KCNIP1: variants seen among roughly 807,000 people sequenced by gnomAD.
KCNIP1 encodes potassium voltage-gated channel interacting protein 1, also known as A-type potassium channel modulatory protein KCNIP1.
Under a neutral mutation model 33.0 loss-of-function variants are expected in KCNIP1, and 18 were observed. The ratio of observed to expected loss-of-function variants is 0.55; its 90% CI spans 0.38 to 0.81. KCNIP1 has a LOEUF of 0.81. Among genes scored for constraint, KCNIP1 ranks in the 30% least tolerant of loss-of-function variants. The pLI, the probability that KCNIP1 is intolerant of heterozygous loss-of-function variation, is 0.00. For synonymous variants in KCNIP1, 93 were observed against 98.3 expected, an observed-to-expected ratio of 0.95 and a Z score of 0.32; for missense variants, 238 against 271.6, an observed-to-expected ratio of 0.88 and a Z score of 0.87.
At chr5:170,463,454 C>T (rs1049642789) in intron 1 of KCNIP1, among the ~76,000 whole-genome samples, 1 of 152,072 alleles carries the variant, frequency 6.6e-6, no homozygotes, top group East Asian at 1.9e-4. Context: ...ATCCAGCAGT[C>T]TGTTAAAAAG....
At chr5:170,412,750 CA>C (rs1393395775) in intron 1 of KCNIP1, among the ~76,000 whole-genome samples, 2 of 152,104 alleles carry the variant, frequency 1.3e-5, no homozygotes, top group Non-Finnish European at 2.9e-5. Flanking sequence ...GCCTCTGCAC[CA>C]GATGTTCCCT....
At chr5:170,670,452 C>A (rs891528801) in intron 1 of KCNIP1, among the ~76,000 whole-genome samples, 1 of 152,172 alleles carries the variant, frequency 6.6e-6, no homozygotes, top group African/African-American at 2.4e-5. Flanking sequence ...CCTCACTACC[C>A]TAGAGGCATA....
chr5:170,681,450 T>A, intron 1 of KCNIP1: 1 of 273,460 alleles, frequency 3.7e-6, no homozygotes, highest in Non-Finnish European at 6.8e-6. Context: ...TGAGTCTTGA[T>A]GGATTATTAG....
chr5:170,689,465 G>A (rs11953716), intron 1 of KCNIP1, among the ~76,000 whole-genome samples: 4,307 of 152,210 alleles, frequency 0.028, 75 homozygotes, highest in Non-Finnish European at 0.032. Flanking sequence ...TGAGGCTTAG[G>A]GAGGTCAAAT....
At chr5:170,506,205 C>G (rs1754709947) in intron 1 of KCNIP1, among the ~76,000 whole-genome samples, 1 of 152,128 alleles carries the variant, frequency 6.6e-6, no homozygotes, top group Non-Finnish European at 1.5e-5. Context: ...ATCTCAAGCC[C>G]TAGAGTCAAG....
chr5:170,608,823 A>G (rs1489893997), intron 1 of KCNIP1, among the ~76,000 whole-genome samples: 1 of 152,110 alleles, frequency 6.6e-6, no homozygotes, highest in African/African-American at 2.4e-5. Context: ...GCTCAGAGAA[A>G]TGATGGCCAC....
intron 1 of KCNIP1, chr5:170,375,082 T>G (rs75284231): frequency 6.6e-6 from 1 of 152,216 alleles, no homozygotes; most frequent in African/African-American, 2.4e-5. Context: ...AGACTCCAAG[T>G]TGGGACTTCC....
At chr5:170,713,866 A>T (rs1480371237) in intron 1 of KCNIP1, among the ~76,000 whole-genome samples, 3 of 150,084 alleles carry the variant, frequency 2.0e-5, no homozygotes, top group African/African-American at 4.9e-5. Flanking sequence ...TACTAAAAAT[A>T]AAAAAAAATT....
intron 1 of KCNIP1, among the ~76,000 whole-genome samples, chr5:170,665,372 G>A (rs1480318840): frequency 6.6e-6 from 1 of 152,044 alleles, no homozygotes; most frequent in Non-Finnish European, 1.5e-5. Flanking sequence ...GTCACTGGGG[G>A]TTAAGCCATT....
chr5:170,380,873 G>A (rs553885736), intron 1 of KCNIP1, among the ~76,000 whole-genome samples: 1 of 152,330 alleles, frequency 6.6e-6, no homozygotes, highest in South Asian at 2.1e-4. Flanking sequence ...TGTAAAATGG[G>A]TTTGTGAGGC....
intron 1 of KCNIP1, among the ~76,000 whole-genome samples, chr5:170,564,443 G>A (rs1757138880): frequency 6.6e-6 from 1 of 152,144 alleles, no homozygotes; most frequent in Non-Finnish European, 1.5e-5. Context: ...AAAAGCAAGA[G>A]GTAGCAGGAG....
chr5:170,611,977 TAGAC>T (rs1759175646), intron 1 of KCNIP1, among the ~76,000 whole-genome samples: 1 of 152,178 alleles, frequency 6.6e-6, no homozygotes, highest in African/African-American at 2.4e-5. Flanking sequence ...GTGAATGAAA[TAGAC>T]AGAAGTACTT....
chr5:170,682,759 C>T (rs1000762848), intron 1 of KCNIP1, among the ~76,000 whole-genome samples: 2 of 147,324 alleles, frequency 1.4e-5, no homozygotes, highest in Non-Finnish European at 3.0e-5. Flanking sequence ...CACATTAATG[C>T]AACAGCGTCC....
At chr5:170,460,810 A>G (rs970919183) in intron 1 of KCNIP1, among the ~76,000 whole-genome samples, 6 of 152,224 alleles carry the variant, frequency 3.9e-5, no homozygotes, top group African/African-American at 1.4e-4. Flanking sequence ...AGCCAGAGCA[A>G]TAAGACAAGA....
chr5:170,560,580 G>C (rs1249879086), intron 1 of KCNIP1, among the ~76,000 whole-genome samples: 1 of 152,118 alleles, frequency 6.6e-6, no homozygotes, highest in African/African-American at 2.4e-5. Context: ...GGACCAGGAT[G>C]GTCCTTTCTT....
chr5:170,371,013 T>A (rs746976730), intron 1 of KCNIP1, among the ~76,000 whole-genome samples: 1 of 152,146 alleles, frequency 6.6e-6, no homozygotes, highest in Non-Finnish European at 1.5e-5. Context: ...CTAGAGCGCA[T>A]GATTAAACCC....
At chr5:170,531,168 A>G (rs1380721756) in intron 1 of KCNIP1, among the ~76,000 whole-genome samples, 1 of 152,162 alleles carries the variant, frequency 6.6e-6, no homozygotes, top group Non-Finnish European at 1.5e-5. Flanking sequence ...GAATCAGTTG[A>G]GGATGTGGCA....
At chr5:170,730,474 C>T (rs1251829380) in intron 5 of KCNIP1, among the ~76,000 whole-genome samples, 2 of 152,132 alleles carry the variant, frequency 1.3e-5, no homozygotes, top group East Asian at 3.8e-4. Context: ...GAGATAACCT[C>T]ATCCAAGTTG....
In KCNIP1 at chr5:170,562,483, G is replaced by A. The variant is rs541644341; in HGVS notation, c.61+57850G>A. 1.8e-4 allele frequency among the ~76,000 whole-genome samples: 27 copies of A among 152,298 alleles called. No homozygotes were observed. In the East Asian group the frequency reaches 3.3e-3, roughly 18 times the overall value. On this transcript the variant is annotated intron_variant, in intron 1 of 7. Coordinates refer to ENST00000328939, the MANE Select transcript of KCNIP1 (RefSeq NM_014592.4). The stretch of plus-strand genomic sequence containing the variant: ...AGTGCTTGATGTGTAGCAGGCACTC[G>A]ACAAACATTTATTGGATGAGTAAAT...
Sources: gnomAD v4.1 joint callset for allele counts (sites outside exome capture counted in the v4.1 genomes callset) on GRCh38, gnomAD v4.1.1 for gene constraint, MANE v1.5 for transcripts, NCBI Gene and HGNC (gene_info 2026-07-23, HGNC 2026-07-21) for gene names.